Variants in ITGA11 observed in about 807,000 individuals in gnomAD.
The protein encoded by ITGA11 is integrin subunit alpha 11.
In ITGA11, 97 loss-of-function variants were observed where a neutral mutation model predicts 141.9. That is an observed-to-expected ratio of 0.68 (90% confidence interval 0.58 to 0.81). The LOEUF is 0.81. Ranked by LOEUF, ITGA11 falls within the 30% of genes least tolerant of loss-of-function variation. The pLI, the probability that ITGA11 is intolerant of heterozygous loss-of-function variation, is 0.00. For missense variants in ITGA11, 1,387 were observed against 1,559.2 expected, an observed-to-expected ratio of 0.89 and a Z score of 1.86; for synonymous variants, 658 against 624.6, an observed-to-expected ratio of 1.05 and a Z score of -0.80.
Position 68,320,199 on chromosome 15 carries a change from T to G in ITGA11, c.2602A>C (p.Ser868Arg). 1 of 1,613,986 alleles carries G rather than the reference T, an allele frequency of 6.2e-7. No homozygotes were observed. Among genetic ancestry groups the G allele is most frequent in the Non-Finnish European group, 8.5e-7 (1 of 1,179,864 alleles). The change falls in exon 20 of 30, where the codon AGC becomes CGC. Residue 868 changes from serine (S) to arginine (R), a missense_variant. Coordinates refer to ENST00000315757, the MANE Select transcript of ITGA11 (RefSeq NM_001004439.2). ...ISQSANLQFASLIQKEDSDGS... is the reference protein window; with the variant it reads ...ISQSANLQFARLIQKEDSDGS... The stretch of plus-strand genomic sequence containing the variant: ...TGAGGTCTTACCTTCTGGATCAAGC[T>G]GGCAAACTGCAGGTTTGCTGACTGC...
intron 9 of ITGA11, among the ~76,000 whole-genome samples, chr15:68,350,249 A>C (rs1894862189): frequency 1.3e-5 from 2 of 152,246 alleles, no homozygotes; most frequent in Non-Finnish European, 2.9e-5. Flanking sequence ...CAGTGGCATG[A>C]TATCAGCTCA....
intron 21 of ITGA11, 58 bp from the exon 22 acceptor site, chr15:68,315,785 A>C: frequency 1.5e-6 from 2 of 1,370,210 alleles, no homozygotes; most frequent in Non-Finnish European, 2.0e-6. Flanking sequence ...CCCACTCCCC[A>C]CAGCCCACTC....
chr15:68,303,054 G>T lies in ITGA11; in HGVS notation c.*5C>A. ...CCCCATCAACTCAAAGTCTCCTCTG[G>T]AGCCTCACTCCAGCACTTTGGGGGT... is the stretch of plus-strand genomic sequence containing the variant. On this transcript the variant is annotated 3_prime_UTR_variant, in exon 30 of 30. Transcript: ENST00000315757. This position sits in a 1 kb window ranked among gnomAD's most constrained non-coding sequence, Gnocchi z 5.3. 1 of 1,548,806 alleles carries T rather than the reference G, an allele frequency of 6.5e-7. No homozygotes were observed. The highest frequency in any genetic ancestry group is 8.7e-7 in the Non-Finnish European group (1 of 1,146,248).
At position 68,369,212 on chromosome 15, in the gene ITGA11, G is replaced by A; in HGVS notation, c.237C>T (p.Ile79=). The stretch of plus-strand genomic sequence containing the variant: ...GGTTGAGTTTGGTGCAGTTCCCGTG[G>A]ATCACTGGACACTTGTACACGTCTC... The part of the protein sequence containing the change: ...KTGDVYKCPV[I]HGNCTKLNLG... Residue 79 remains isoleucine (I), a synonymous_variant, in exon 3 of 30, where the codon ATC becomes ATT. Coordinates refer to ENST00000315757, the MANE Select transcript of ITGA11 (RefSeq NM_001004439.2). The A allele has an allele frequency of 6.2e-7, 1 of 1,613,808 alleles. No homozygotes were observed. Among genetic ancestry groups the A allele is most frequent in the Non-Finnish European group, 8.5e-7 (1 of 1,179,728 alleles).
chr15:68,408,563 C>A (rs1249845127), intron 1 of ITGA11, among the ~76,000 whole-genome samples: 1 of 151,958 alleles, frequency 6.6e-6, no homozygotes, highest in Admixed American at 6.6e-5. Flanking sequence ...ACGTGGAGTG[C>A]AAGTGTGCCC....
At position 68,326,260 on chromosome 15, in the gene ITGA11, T is replaced by A. The variant is rs1474394951; in HGVS notation, c.2211+394A>T. On this transcript the variant is annotated intron_variant, in intron 17 of 29. Coordinates refer to ENST00000315757, the MANE Select transcript of ITGA11 (RefSeq NM_001004439.2). This position sits in a 1 kb window ranked among gnomAD's most constrained non-coding sequence, Gnocchi z 6.8. ...TTGTGACATCACTGGCGCCCCTCTC[T>A]GTCTCACCTCCTGTTTTGTACATGC... Among the ~76,000 whole-genome samples, 1 of 152,226 alleles carries A rather than the reference T, an allele frequency of 6.6e-6. No individual in the cohort carries two copies. The highest frequency in any genetic ancestry group is 1.5e-5 in the Non-Finnish European group (1 of 68,034).
Position 68,358,585 on chromosome 15 carries a change from C to T in ITGA11, c.473G>A (p.Arg158Lys), listed in dbSNP as rs1232402321. The change falls in exon 6 of 30, where the codon AGG becomes AAG. Residue 158 changes from arginine (R) to lysine (K), a missense_variant and splice_region_variant. Coordinates refer to ENST00000315757, the MANE Select transcript of ITGA11 (RefSeq NM_001004439.2). ...GACGATGTCCATGTAGGTCTGGCAC[C>T]CTGGAAAGTGGGGACACAGTTATGG... ...FSKTVAPALQ[R>K]CQTYMDIVIV... 4 of 1,609,826 alleles carry T rather than the reference C, an allele frequency of 2.5e-6. No individual in the cohort carries two copies. The highest frequency in any genetic ancestry group is 2.2e-5 in the South Asian group (2 of 90,226).
chr15:68,357,802 G>A (rs1162726571), intron 6 of ITGA11, among the ~76,000 whole-genome samples: 1 of 152,154 alleles, frequency 6.6e-6, no homozygotes, highest in Non-Finnish European at 1.5e-5. Flanking sequence ...CGTTCCTGTT[G>A]GAGGAGCCCA....
Position 68,303,883 on chromosome 15 carries a change from G to T in ITGA11, c.3384C>A (p.Ile1128=), listed in dbSNP as rs200364693. ...CCTCTTGCTTGGAGATCTCAAACACGATCTGCAAGGGGAGGGGGGCCGGGC... is the reference window on the plus strand; with the variant it reads ...CCTCTTGCTTGGAGATCTCAAACACTATCTGCAAGGGGAGGGGGGCCGGGC... The part of the protein sequence containing the change: ...IFREEDPSRQ[I]VFEISKQEDW... The change falls in exon 29 of 30, where the codon ATC becomes ATA. Residue 1128 remains isoleucine (I), a splice_region_variant and synonymous_variant. Transcript: ENST00000315757. The surrounding 1 kb of genome is among the most constrained non-coding windows in gnomAD (Gnocchi z 5.3). The T allele has an allele frequency of 6.2e-7, 1 of 1,604,652 alleles. No individual in the cohort carries two copies. Among genetic ancestry groups the T allele is most frequent in the Non-Finnish European group, 8.5e-7 (1 of 1,172,350 alleles).
intron 12 of ITGA11, 110 bp from the exon 13 acceptor site, chr15:68,332,588 T>C: frequency 1.5e-6 from 2 of 1,297,200 alleles, no homozygotes; most frequent in Non-Finnish European, 2.1e-6. Context: ...ACTCAGAATT[T>C]TTGGTGAACA....
In ITGA11 at chr15:68,400,915, A is replaced by ATT. The variant is rs1253512827; in HGVS notation, c.164+2002_164+2003insAA. On this transcript the variant is annotated intron_variant, in intron 2 of 29. Coordinates refer to ENST00000315757, the MANE Select transcript of ITGA11 (RefSeq NM_001004439.2). Reference sequence around the variant, plus strand: ...TTATAATATTATATATTATATAATAAATATTATAATATTATATATTATATA... The same window carrying ATT: ...TTATAATATTATATATTATATAATAATTATATTATAATATTATATATTATATA... 1.9e-4 allele frequency among the ~76,000 whole-genome samples: 9 copies of ATT among 47,506 alleles called. 2 individuals carry two copies. The highest frequency in any genetic ancestry group is 4.3e-4 in the African/African-American group (4 of 9,342). The allele number at this position is 47,506 out of a possible 152,430, so 31.2% of individuals were successfully genotyped here. A position where few individuals can be genotyped will look rare whatever the true frequency, so the allele number is the denominator to read the frequency against.
rs1295655688 is a variant in ITGA11, at chr15:68,335,682, C to G, written c.1425+15G>C. 2 of 1,612,724 alleles carry G rather than the reference C, an allele frequency of 1.2e-6. No individual in the cohort carries two copies. The highest frequency in any genetic ancestry group is 1.7e-6 in the Non-Finnish European group (2 of 1,179,406). Reference sequence around the variant, plus strand: ...CTCTTCCCTCCATCCCGGCCCCAGGCTCCCCCTCCATTACCTGCTGGCCCC... The same window carrying G: ...CTCTTCCCTCCATCCCGGCCCCAGGGTCCCCCTCCATTACCTGCTGGCCCC... On this transcript the variant is annotated intron_variant, in intron 12 of 29. Coordinates refer to ENST00000315757, the MANE Select transcript of ITGA11 (RefSeq NM_001004439.2). This position sits in a 1 kb window ranked among gnomAD's most constrained non-coding sequence, Gnocchi z 4.9.
rs1238850085 is a variant in ITGA11 at position 68,333,704 on chromosome 15, G to A, written c.1426-1226C>T. Among the ~76,000 whole-genome samples the A allele has an allele frequency of 6.6e-6, 1 of 152,164 alleles. No individual in the cohort carries two copies. Among genetic ancestry groups the A allele is most frequent in the Non-Finnish European group, 1.5e-5 (1 of 68,024 alleles). On this transcript the variant is annotated intron_variant, in intron 12 of 29. Coordinates refer to ENST00000315757, the MANE Select transcript of ITGA11 (RefSeq NM_001004439.2). This position sits in a 1 kb window ranked among gnomAD's most constrained non-coding sequence, Gnocchi z 4.2. ...TTCCAGCCTCAGGCTGGCCCCTTCA[G>A]CCCACCCCCATGGCAGCTGGCGTGG...
At chr15:68,379,170 C>A (rs556530814) in intron 2 of ITGA11, among the ~76,000 whole-genome samples, 9 of 152,242 alleles carry the variant, frequency 5.9e-5, no homozygotes, top group Non-Finnish European at 1.2e-4. Flanking sequence ...TCAACATTGC[C>A]TGCACTCTCT....
At chr15:68,306,718 T>C (rs1893209869) in intron 28 of ITGA11, among the ~76,000 whole-genome samples, 1 of 152,240 alleles carries the variant, frequency 6.6e-6, no homozygotes, top group Non-Finnish European at 1.5e-5. Context: ...AAGGGATGCT[T>C]CCTGACCCCG....
chr15:68,334,349 G>T (rs1343525445), intron 12 of ITGA11, among the ~76,000 whole-genome samples: 1 of 152,186 alleles, frequency 6.6e-6, no homozygotes, highest in African/African-American at 2.4e-5. Flanking sequence ...ATTTTCAAGG[G>T]AAGGAACCAA....
At chr15:68,365,244 C>T (rs1378600696) in intron 3 of ITGA11, 40 of 985,300 alleles carry the variant, frequency 4.1e-5, no homozygotes, top group Non-Finnish European at 4.3e-5. Flanking sequence ...TTTCTGTGCC[C>T]ACTTCTCTGC....
chr15:68,399,714 G>A (rs1896419368), intron 2 of ITGA11, among the ~76,000 whole-genome samples: 2 of 152,130 alleles, frequency 1.3e-5, no homozygotes, highest in Admixed American at 6.6e-5. Flanking sequence ...ACCTAATATG[G>A]TGTGTTCTCA....
chr15:68,320,231 T>A lies in ITGA11; in HGVS notation c.2570A>T (p.Asn857Ile). 1.2e-6 allele frequency: 2 copies of A among 1,614,014 alleles called. No individual in the cohort carries two copies. The highest frequency in any genetic ancestry group is 1.7e-6 in the Non-Finnish European group (2 of 1,179,890). ...RGENAYSTVL[N>I]ISQSANLQFA... ...CTGCAGGTTTGCTGACTGCGAGATA[T>A]TTAGGACCGTGCTGTAGGCGTTCTC... Residue 857 changes from asparagine to isoleucine, a missense_variant, in exon 20 of 30, where the codon AAT (asparagine) becomes ATT (isoleucine). Coordinates refer to ENST00000315757, the MANE Select transcript of ITGA11 (RefSeq NM_001004439.2).
Sources: allele counts gnomAD v4.1 joint callset (sites outside exome capture counted in the v4.1 genomes callset), GRCh38; gene constraint gnomAD v4.1.1; non-coding constraint Gnocchi (gnomAD v3.1); transcripts MANE v1.5; gene names NCBI Gene and HGNC (gene_info 2026-07-23, HGNC 2026-07-21).